UBE3D: variants seen among roughly 807,000 people sequenced by gnomAD.
The protein encoded by UBE3D is ubiquitin protein ligase E3D, also known as E3 ubiquitin-protein ligase E3D.
A neutral mutation model predicts 49.6 loss-of-function variants in UBE3D; 48 were observed. The ratio of observed to expected loss-of-function variants is 0.97; its 90% confidence interval spans 0.77 to 1.23. The LOEUF (loss-of-function observed/expected upper bound fraction) is 1.23. UBE3D is among the 50% of genes most tolerant of loss of function. The probability of loss-of-function intolerance (pLI) is 0.00; values close to 1 mark genes in which losing one functional copy is unlikely to be tolerated. For synonymous variants in UBE3D, 189 were observed against 174.2 expected (o/e 1.08, Z -0.67); for missense variants, 452 against 468.4 (o/e 0.96, Z 0.32).
At chr6:83,031,117 C>T (rs1781837946) in intron 5 of UBE3D, among the ~76,000 whole-genome samples, 1 of 152,158 alleles carries the variant, frequency 6.6e-6, no homozygotes, top group Admixed American at 6.5e-5. Flanking sequence ...AAGTGATTAT[C>T]ATGCCTCAGC....
At chr6:83,012,241 T>C (rs1422556333) in intron 8 of UBE3D, among the ~76,000 whole-genome samples, 1 of 152,122 alleles carries the variant, frequency 6.6e-6, no homozygotes, top group Non-Finnish European at 1.5e-5. Context: ...CAAATCCATA[T>C]CCAAAGTGTC....
intron 9 of UBE3D, among the ~76,000 whole-genome samples, chr6:82,898,397 T>G (rs188381149): frequency 6.6e-6 from 1 of 152,340 alleles, no homozygotes; most frequent in East Asian, 1.9e-4. Context: ...ATTGTAGCAC[T>G]GTTCACAATA....
intron 8 of UBE3D, among the ~76,000 whole-genome samples, chr6:82,985,008 C>CT (rs70987727): frequency 0.024 from 1,269 of 53,052 alleles, 47 homozygotes; most frequent in African/African-American, 0.043. Flanking sequence ...TCTTCTTCTT[C>CT]TTTTTTTTTT....
chr6:82,889,391 T>C (rs1770941252), downstream of UBE3D, among the ~76,000 whole-genome samples: 1 of 152,228 alleles, frequency 6.6e-6, no homozygotes, highest in Admixed American at 6.5e-5. Flanking sequence ...TACATCAGCA[T>C]GTCTGGGTCT....
At chr6:82,887,398 T>TGTTTTG (rs1562053903), downstream of UBE3D, among the ~76,000 whole-genome samples, 3 of 145,552 alleles carry the variant, frequency 2.1e-5, no homozygotes, top group African/African-American at 5.2e-5. Flanking sequence ...AGTTTTTTTT[T>TGTTTTG]TTTTTTTTTT....
At chr6:82,939,485 T>C (rs1774845439) in intron 9 of UBE3D, among the ~76,000 whole-genome samples, 2 of 152,250 alleles carry the variant, frequency 1.3e-5, no homozygotes, top group African/African-American at 4.8e-5. Flanking sequence ...CTGCCCTATA[T>C]GAGTACACCA....
In UBE3D at chr6:82,957,329, G is replaced by T; in HGVS notation, c.1132C>A (p.Arg378Ser). ...SNANLPSSLR[R>S]VNSFQVAFLK... ...TTGCTCACCTGAAAGGAATTCACACGGCGAAGGGATGAAGGCAGATTGGCA... is the reference window on the plus strand; with the variant it reads ...TTGCTCACCTGAAAGGAATTCACACTGCGAAGGGATGAAGGCAGATTGGCA... Residue 378 changes from arginine to serine, a missense_variant, in exon 9 of 10, where the codon CGT (arginine) becomes AGT (serine). Transcript: ENST00000369747. 3 of 1,613,850 alleles carry T rather than the reference G, an allele frequency of 1.9e-6. No individual in the cohort carries two copies. Among genetic ancestry groups the T allele is most frequent in the Non-Finnish European group, 2.5e-6 (3 of 1,179,958 alleles).
intron 8 of UBE3D, among the ~76,000 whole-genome samples, chr6:83,009,127 A>G (rs1003725961): frequency 6.6e-6 from 1 of 152,192 alleles, no homozygotes; most frequent in African/African-American, 2.4e-5. Context: ...GGAAAGGTAA[A>G]GATTCTACAT....
intron 9 of UBE3D, among the ~76,000 whole-genome samples, chr6:82,907,817 C>T (rs1264804663): frequency 6.6e-6 from 1 of 152,126 alleles, no homozygotes; most frequent in Non-Finnish European, 1.5e-5. Context: ...TATCCTACAA[C>T]CCAGCAATTC....
chr6:83,018,872 G>T, intron 8 of UBE3D, 101 bp downstream of exon 8: 1 of 1,350,868 alleles, frequency 7.4e-7, no homozygotes, highest in Non-Finnish European at 1.0e-6. Flanking sequence ...CTTCAAGTAG[G>T]GAAATGGTAT....
intron 8 of UBE3D, among the ~76,000 whole-genome samples, chr6:82,999,860 GCT>G (rs1237638752): frequency 6.6e-6 from 1 of 151,992 alleles, no homozygotes; most frequent in Non-Finnish European, 1.5e-5. Flanking sequence ...TTCCACCCCA[GCT>G]CTCATCCCAG....
At chr6:82,935,208 A>C (rs1774477287) in intron 9 of UBE3D, among the ~76,000 whole-genome samples, 1 of 151,558 alleles carries the variant, frequency 6.6e-6, no homozygotes, top group African/African-American at 2.4e-5. Context: ...GGCTCATCAC[A>C]TGGAGAAAGC....
At chr6:82,933,881 C>G (rs1774352432) in intron 9 of UBE3D, among the ~76,000 whole-genome samples, 1 of 152,166 alleles carries the variant, frequency 6.6e-6, no homozygotes, top group Non-Finnish European at 1.5e-5. Flanking sequence ...GGAGGCAGAG[C>G]TAAAGCCACG....
chr6:83,059,397 T>TA (rs1354839608), intron 1 of UBE3D, among the ~76,000 whole-genome samples: 1 of 152,056 alleles, frequency 6.6e-6, no homozygotes, highest in Non-Finnish European at 1.5e-5. Context: ...GAAAAAAAGA[T>TA]ACAGAAGAAA....
At chr6:83,005,518 C>T (rs893117723) in intron 8 of UBE3D, among the ~76,000 whole-genome samples, 2 of 151,860 alleles carry the variant, frequency 1.3e-5, no homozygotes, top group Non-Finnish European at 2.9e-5. Context: ...CATGGTGGCT[C>T]AGGCACATAA....
At chr6:82,975,813 T>G (rs1438335105) in intron 8 of UBE3D, among the ~76,000 whole-genome samples, 1 of 152,174 alleles carries the variant, frequency 6.6e-6, no homozygotes, top group African/African-American at 2.4e-5. Flanking sequence ...GTCAGTCAAG[T>G]TGCTATAGAT....
chr6:82,906,384 T>A (rs1253783646), intron 9 of UBE3D, among the ~76,000 whole-genome samples: 1 of 152,212 alleles, frequency 6.6e-6, no homozygotes, highest in Non-Finnish European at 1.5e-5. Flanking sequence ...ATATTTGATA[T>A]GCTTTAATCC....
At chr6:83,018,415 G>A (rs1780843324) in intron 8 of UBE3D, 1 of 152,190 alleles carries the variant, frequency 6.6e-6, no homozygotes, top group South Asian at 2.1e-4. Context: ...ACCTTACCTT[G>A]CTTCATTTTT....
intron 8 of UBE3D, among the ~76,000 whole-genome samples, chr6:82,970,665 C>G (rs996810298): frequency 2.6e-5 from 4 of 151,998 alleles, no homozygotes; most frequent in Admixed American, 6.6e-5. Context: ...CAGTGAAACC[C>G]CATCTCTACT....
Sources: allele counts gnomAD v4.1 joint callset (sites outside exome capture counted in the v4.1 genomes callset), GRCh38; gene constraint gnomAD v4.1.1; transcripts MANE v1.5; gene names NCBI Gene and HGNC (gene_info 2026-07-23, HGNC 2026-07-21).